Variants in ZNF727 observed in about 807,000 individuals in gnomAD.
ZNF727 encodes zinc finger protein 727, also known as putative zinc finger protein 727.
Under a neutral mutation model 11.5 loss-of-function variants are expected in ZNF727, and 11 were observed. The observed-to-expected ratio is 0.95, with a 90% CI of 0.60 to 1.58. ZNF727 has a LOEUF of 1.58. Ranked by LOEUF, ZNF727 falls within the 40% of genes most tolerant of loss-of-function variation. ZNF727 has a pLI of 0.00. For synonymous variants in ZNF727, 171 were observed against 196.1 expected (o/e 0.87, Z 1.07); for missense variants, 533 against 581.7 (o/e 0.92, Z 0.86).
Position 64,078,553 on chromosome 7 carries a change from A to C in ZNF727, c.*4A>C, listed in dbSNP as rs368318480. 426 of 1,556,312 alleles carry C rather than the reference A, an allele frequency of 2.7e-4. 3 individuals carry two copies. In the African/African-American group the frequency reaches 5.2e-3, roughly 19 times the overall value. The stretch of plus-strand genomic sequence containing the variant: ...GACCTTACTAAACATAAGGTAATTC[A>C]TACTGGAGATAAACCTTACAAATGT... On this transcript the variant is annotated 3_prime_UTR_variant, in exon 4 of 4. Transcript: ENST00000456806.
rs1206898734 is a variant in ZNF727, at chr7:64,084,992, C to A, written c.*6443C>A. Among the ~76,000 whole-genome samples, 1 of 150,220 alleles carries A rather than the reference C, an allele frequency of 6.7e-6. No individual in the cohort carries two copies. Among genetic ancestry groups the A allele is most frequent in the Non-Finnish European group, 1.5e-5 (1 of 67,588 alleles). On this transcript the variant is annotated 3_prime_UTR_variant, in exon 4 of 4. Coordinates refer to ENST00000456806, the MANE Select transcript of ZNF727 (RefSeq NM_001159522.3). ...AATTCATTTATCTGAAATGTTATTG[C>A]TCCTGACTTAGAATCATCTTTTGCA...
intron 1 of ZNF727, among the ~76,000 whole-genome samples, chr7:64,063,070 T>C (rs1789799369): frequency 7.4e-6 from 1 of 135,128 alleles, no homozygotes; most frequent in South Asian, 2.5e-4. Flanking sequence ...TGTTTTGAAT[T>C]TCCTGTCTGA....
chr7:64,047,288 C>G (rs576499653), intron 1 of ZNF727, among the ~76,000 whole-genome samples: 2 of 152,172 alleles, frequency 1.3e-5, no homozygotes, highest in Non-Finnish European at 2.9e-5. Flanking sequence ...AACTATTAGT[C>G]CTTTATTTAA....
At chr7:64,051,511 A>G (rs1789597873) in intron 1 of ZNF727, among the ~76,000 whole-genome samples, 1 of 152,236 alleles carries the variant, frequency 6.6e-6, no homozygotes, top group Non-Finnish European at 1.5e-5. Flanking sequence ...GTGTACTCCA[A>G]AAGATCAAGA....
At chr7:64,045,737 C>A (rs1386491775) in intron 1 of ZNF727, 113 bp downstream of exon 1, 11 of 1,382,788 alleles carry the variant, frequency 8.0e-6, no homozygotes, top group Admixed American at 2.0e-5. Context: ...AGCTCCGAGT[C>A]CCCGTGGGCA....
Position 64,085,206 on chromosome 7 carries a change from G to C in ZNF727, c.*6657G>C, listed in dbSNP as rs1785854087. 6.6e-6 allele frequency among the ~76,000 whole-genome samples: 1 copy of C among 151,942 alleles called. No homozygotes were observed. Among genetic ancestry groups the C allele is most frequent in the Non-Finnish European group, 1.5e-5 (1 of 67,944 alleles). On this transcript the variant is annotated 3_prime_UTR_variant, in exon 4 of 4. Coordinates refer to ENST00000456806, the MANE Select transcript of ZNF727 (RefSeq NM_001159522.3). ...GTAATTTCACACTGAGTGTATTATT[G>C]TATGTTATTTAGTATATTTTACATT...
chr7:64,059,905 C>T (rs998887147), intron 1 of ZNF727, among the ~76,000 whole-genome samples: 7 of 152,176 alleles, frequency 4.6e-5, no homozygotes, highest in Non-Finnish European at 8.8e-5. Context: ...AGGACTTTGT[C>T]AGTCTCTTTA....
At position 64,045,490 on chromosome 7, in the gene ZNF727, A is replaced by T; in HGVS notation, c.-132A>T. On this transcript the variant is annotated 5_prime_UTR_variant, in exon 1 of 4. Transcript: ENST00000456806. The stretch of plus-strand genomic sequence containing the variant: ...CTAGCTTCTAGGCTCTGAGTCCAGT[A>T]CCCGTCTGTACTATTCCATCTCTTC... 1 of 1,252,520 alleles carries T rather than the reference A, an allele frequency of 8.0e-7. No individual in the cohort carries two copies. Among genetic ancestry groups the T allele is most frequent in the Admixed American group, 2.0e-5 (1 of 50,592 alleles). 77.6% of individuals were successfully genotyped at this position (1,252,520 alleles called of 1,614,324 possible).
intron 3 of ZNF727, among the ~76,000 whole-genome samples, chr7:64,071,072 T>C (rs1165104041): frequency 6.6e-6 from 1 of 152,078 alleles, no homozygotes; most frequent in Non-Finnish European, 1.5e-5. Context: ...GAAAAATGCT[T>C]CAATGAACAT....
chr7:64,045,688 G>A, intron 1 of ZNF727, 64 bp downstream of exon 1: 2 of 1,550,218 alleles, frequency 1.3e-6, no homozygotes, highest in South Asian at 2.4e-5. Flanking sequence ...GTCGGAACTG[G>A]CTGCGGTGGG....
rs551547064 is a variant in ZNF727 at position 64,057,582 on chromosome 7, C to G, written c.4-11309C>G. ...GGGGCGGGGAGAGCATCAGGAAGAA[C>G]AGCGAATGGGTGCTGGGCTTAATAC... On this transcript the variant is annotated intron_variant, in intron 1 of 3. Transcript: ENST00000456806. Among the ~76,000 whole-genome samples the G allele has an allele frequency of 4.6e-5, 7 of 152,204 alleles. No individual in the cohort carries two copies. The East Asian group carries it at 1.2e-3, about 25-fold the overall frequency.
intron 1 of ZNF727, among the ~76,000 whole-genome samples, chr7:64,059,623 C>A (rs1179533217): frequency 6.6e-6 from 1 of 152,160 alleles, no homozygotes. Context: ...CCTGACTAAA[C>A]CCTCTTTCAT....
Position 64,067,953 on chromosome 7 carries a change from A to G in ZNF727, c.4-938A>G, listed in dbSNP as rs369528329. On this transcript the variant is annotated intron_variant, in intron 1 of 3. Transcript: ENST00000456806. The stretch of plus-strand genomic sequence containing the variant: ...GAAAGACTTATTTATATACACCATT[A>G]GAGATTACAGAACATGAGAGATATT... Among the ~76,000 whole-genome samples, 5 of 152,276 alleles carry G rather than the reference A, an allele frequency of 3.3e-5. No individual in the cohort carries two copies. In the East Asian group the frequency reaches 5.8e-4, roughly 18 times the overall value.
At chr7:64,073,466 A>G (rs779602010) in intron 3 of ZNF727, among the ~76,000 whole-genome samples, 65 of 150,188 alleles carry the variant, frequency 4.3e-4, no homozygotes, top group Non-Finnish European at 9.1e-4. Context: ...TCTTTGTTCT[A>G]TTTTTGAGTT....
At position 64,063,650 on chromosome 7, in the gene ZNF727, C is replaced by T. The variant is rs114771707; in HGVS notation, c.4-5241C>T. 2.0e-3 allele frequency among the ~76,000 whole-genome samples: 308 copies of T among 152,100 alleles called. 3 individuals are homozygous for T. The highest frequency in any genetic ancestry group is 7.0e-3 in the African/African-American group (291 of 41,478). On this transcript the variant is annotated intron_variant, in intron 1 of 3. Coordinates refer to ENST00000456806, the MANE Select transcript of ZNF727 (RefSeq NM_001159522.3). ...CTACTACTGATGTTCACTCAAGAAC[C>T]AAGTTCTCTTCAGTCAGTAGTTGGT... is the stretch of plus-strand genomic sequence containing the variant.
chr7:64,048,527 G>A (rs1789543983), intron 1 of ZNF727, among the ~76,000 whole-genome samples: 1 of 152,178 alleles, frequency 6.6e-6, no homozygotes, highest in Non-Finnish European at 1.5e-5. Flanking sequence ...AGAATTTGTG[G>A]TAGTGGGCAA....
chr7:64,045,480 T>A lies in ZNF727; in HGVS notation c.-142T>A. The A allele has an allele frequency of 8.5e-7, 1 of 1,181,074 alleles. No homozygotes were observed. Among genetic ancestry groups the A allele is most frequent in the South Asian group, 1.3e-5 (1 of 76,536 alleles). The allele number at this position is 1,181,074 out of a possible 1,614,324, so 73.2% of individuals were successfully genotyped here. On this transcript the variant is annotated 5_prime_UTR_variant, in exon 1 of 4. Transcript: ENST00000456806. ...CCTTCGTCTCCTAGCTTCTAGGCTC[T>A]GAGTCCAGTACCCGTCTGTACTATT...
Position 64,085,245 on chromosome 7 carries a change from A to C in ZNF727, c.*6696A>C, listed in dbSNP as rs183984082. Among the ~76,000 whole-genome samples, 56 of 152,324 alleles carry C rather than the reference A, an allele frequency of 3.7e-4. No homozygotes were observed. The highest frequency in any genetic ancestry group is 1.3e-3 in the African/African-American group (55 of 41,590). On this transcript the variant is annotated 3_prime_UTR_variant, in exon 4 of 4. Coordinates refer to ENST00000456806, the MANE Select transcript of ZNF727 (RefSeq NM_001159522.3). ...ATATTTTACATTTTGTTTCAATTAG[A>C]GAATGCTATTTAATCCAATTTTCAT...
chr7:64,077,526 C>T lies in ZNF727; in HGVS notation c.477C>T (p.Ile159=). 1 of 1,551,364 alleles carries T rather than the reference C, an allele frequency of 6.4e-7. No homozygotes were observed. The highest frequency in any genetic ancestry group is 8.7e-7 in the Non-Finnish European group (1 of 1,146,770). The change falls in exon 4 of 4, where the codon ATC becomes ATT. Residue 159 remains isoleucine, a synonymous_variant. Transcript: ENST00000456806. ...KCGKAFGLCS[I]FTEHKKIFSR... is the part of the protein sequence containing the mutation. ...GCAAAGCTTTTGGGTTGTGCTCAAT[C>T]TTCACTGAACATAAGAAAATTTTTA...
Sources: allele counts gnomAD v4.1 joint callset (sites outside exome capture counted in the v4.1 genomes callset), GRCh38; gene constraint gnomAD v4.1.1; transcripts MANE v1.5; gene names NCBI Gene and HGNC (gene_info 2026-07-23, HGNC 2026-07-21).